Variants in PZP observed in about 807,000 individuals in gnomAD.
PZP encodes the protein PZP alpha-2-macroglobulin like, also known as pregnancy zone protein.
Under a neutral mutation model 179.8 loss-of-function variants are expected in PZP, and 150 were observed. That is an observed-to-expected ratio of 0.83 (90% CI 0.73 to 0.96). PZP has a LOEUF of 0.96. Ranked by LOEUF, PZP falls within the 40% of genes least tolerant of loss-of-function variation. PZP has a pLI of 0.00. For missense variants in PZP, 1,689 were observed against 1,764.0 expected (o/e 0.96, Z 0.76); for synonymous variants, 624 against 652.3 (o/e 0.96, Z 0.66).
intron 13 of PZP, among the ~76,000 whole-genome samples, chr12:9,186,234 C>T (rs778309320): frequency 6.6e-6 from 1 of 152,234 alleles, no homozygotes; most frequent in Non-Finnish European, 1.5e-5. Flanking sequence ...CCACCAGATC[C>T]AACTTGCAAG....
At chr12:9,161,302 GCAA>G (rs1365151102) in intron 22 of PZP, among the ~76,000 whole-genome samples, 186 bp from the exon 23 acceptor site, 5 of 152,318 alleles carry the variant, frequency 3.3e-5, no homozygotes, top group East Asian at 1.9e-4. Flanking sequence ...AACAGTATCT[GCAA>G]CATATTCAAT....
Position 9,196,564 on chromosome 12 carries a change from C to T in PZP, c.982+7G>A. The T allele has an allele frequency of 3.1e-6, 5 of 1,593,466 alleles. No homozygotes were observed. In the South Asian group the frequency reaches 5.5e-5, roughly 18 times the overall value. ...TTTTATTTCCCATATTCGTTCATTA[C>T]TCACACCTGTCCCCTCTTCTCTGAT... is the stretch of plus-strand genomic sequence containing the variant. On this transcript the variant is annotated splice_region_variant and intron_variant, in intron 9 of 35. Transcript: ENST00000261336.
intron 22 of PZP, chr12:9,162,378 C>T: frequency 2.0e-6 from 1 of 498,730 alleles, no homozygotes; most frequent in Admixed American, 3.9e-5. Flanking sequence ...CAAGAAAGCC[C>T]AGGTATTAGT....
Position 9,192,658 on chromosome 12 carries a change from G to T in PZP, c.1336C>A (p.Arg446Ser), listed in dbSNP as rs767886293. 2.5e-6 allele frequency: 4 copies of T among 1,613,936 alleles called. No individual in the cohort carries two copies. Among genetic ancestry groups the T allele is most frequent in the South Asian group, 2.2e-5 (2 of 91,078 alleles). Residue 446 changes from arginine (R) to serine (S), a missense_variant, in exon 12 of 36, where the codon CGT becomes AGT. Arg to Ser is a moderately radical substitution (Grantham distance 110). Transcript: ENST00000261336. Reference protein sequence around the residue: ...DHQGAQHTANRVFSLSGSYIH... With the variant: ...DHQGAQHTANSVFSLSGSYIH... Reference sequence around the variant, plus strand: ...TAACTTCCACTTAAGGAGAAAACACGATTTGCAGTGTGCTGAGCACCCTGG... The same window carrying T: ...TAACTTCCACTTAAGGAGAAAACACTATTTGCAGTGTGCTGAGCACCCTGG...
intron 10 of PZP, among the ~76,000 whole-genome samples, chr12:9,194,830 A>G (rs1943676667): frequency 6.6e-6 from 1 of 152,124 alleles, no homozygotes; most frequent in Non-Finnish European, 1.5e-5. Context: ...AGAATAAAAG[A>G]AATGAATTTA....
At chr12:9,150,788 C>T (rs750258601) in intron 33 of PZP, 42 bp from the exon 34 acceptor site, 4 of 1,244,184 alleles carry the variant, frequency 3.2e-6, no homozygotes, top group Admixed American at 1.8e-5. Context: ...TAGAAAACCT[C>T]CTTCTTTCTC....
chr12:9,176,676 G>A (rs1271962578), intron 15 of PZP, among the ~76,000 whole-genome samples: 1 of 152,212 alleles, frequency 6.6e-6, no homozygotes. Context: ...ATGTAAGATT[G>A]AGTCTTAATC....
At chr12:9,159,253 AT>A (rs1444644028) in intron 25 of PZP, among the ~76,000 whole-genome samples, 1 of 152,186 alleles carries the variant, frequency 6.6e-6, no homozygotes, top group Non-Finnish European at 1.5e-5. Context: ...GGTATATTGG[AT>A]TAAAAAAATC....
chr12:9,199,518 A>G (rs1393382090), intron 7 of PZP, among the ~76,000 whole-genome samples: 1 of 152,202 alleles, frequency 6.6e-6, no homozygotes, highest in Non-Finnish European at 1.5e-5. Context: ...AATGTAAAAC[A>G]TTCAATGTAT....
rs746654060 is a variant in PZP, at chr12:9,157,336, G to T, written c.3389C>A (p.Ala1130Asp). The T allele has an allele frequency of 6.2e-7, 1 of 1,613,702 alleles. No homozygotes were observed. Among genetic ancestry groups the T allele is most frequent in the East Asian group, 2.2e-5 (1 of 44,876 alleles). Reference sequence around the variant, plus strand: ...CCAGGCTGACTCCAGGCAGAACAGGGCATTGCGAACAATAGGGTTCTGTAA... The same window carrying T: ...CCAGGCTGACTCCAGGCAGAACAGGTCATTGCGAACAATAGGGTTCTGTAA... ...LPVTNPIVRN[A>D]LFCLESAWNV... The change falls in exon 28 of 36, where the codon GCC (alanine) becomes GAC (aspartate). Residue 1130 changes from alanine (A) to aspartate (D), a missense_variant. Physicochemically the swap from Ala to Asp is moderately radical, Grantham distance 126. Around this residue, in one of 3 missense-constraint regions of PZP, gnomAD observed 746 missense variants for 749.2 expected, o/e 1.00. Transcript: ENST00000261336.
At chr12:9,184,937 C>T (rs1382019476) in intron 13 of PZP, among the ~76,000 whole-genome samples, 1 of 152,192 alleles carries the variant, frequency 6.6e-6, no homozygotes, top group African/African-American at 2.4e-5. Flanking sequence ...AAAACAACAG[C>T]AGTTTCTAAG....
chr12:9,203,598 C>G (rs2121236318), intron 2 of PZP, among the ~76,000 whole-genome samples, 170 bp downstream of exon 2: 1 of 152,212 alleles, frequency 6.6e-6, no homozygotes, highest in South Asian at 2.1e-4. Flanking sequence ...GCCTTGGCTT[C>G]CCAAAGTGCT....
intron 18 of PZP, 43 bp from the exon 19 acceptor site, chr12:9,165,410 G>A: frequency 6.2e-7 from 1 of 1,605,110 alleles, no homozygotes; most frequent in Non-Finnish European, 8.5e-7. Flanking sequence ...ATGAATGTAA[G>A]CCACCTTTTC....
chr12:9,167,621 G>T lies in PZP; in HGVS notation c.2107+1248C>A, dbSNP rs181193367. 3.9e-5 allele frequency: 6 copies of T among 152,220 alleles called. No homozygotes were observed. In the East Asian group the frequency reaches 1.2e-3, roughly 29 times the overall value. The allele number at this position is 152,220 out of a possible 1,614,324, so 9.4% of individuals were successfully genotyped here. On this transcript the variant is annotated intron_variant, in intron 17 of 35. Transcript: ENST00000261336. ...TTCATGTTGTTGAAGTTCTTATCAAGAAATTTCACAAGATATTTCAGTTTT... is the reference window on the plus strand; with the variant it reads ...TTCATGTTGTTGAAGTTCTTATCAATAAATTTCACAAGATATTTCAGTTTT...
At chr12:9,176,199 A>T (rs1162007038) in intron 15 of PZP, among the ~76,000 whole-genome samples, 1 of 152,226 alleles carries the variant, frequency 6.6e-6, no homozygotes, top group Non-Finnish European at 1.5e-5. Flanking sequence ...CAGCAAGCTA[A>T]CACAGGAACA....
chr12:9,183,016 C>T (rs1592518220), intron 13 of PZP, among the ~76,000 whole-genome samples: 1 of 152,254 alleles, frequency 6.6e-6, no homozygotes, highest in Non-Finnish European at 1.5e-5. Context: ...TTAGACAATA[C>T]ATAGGATAAC....
At chr12:9,167,725 T>C (rs1333360900) in intron 17 of PZP, among the ~76,000 whole-genome samples, 2 of 152,208 alleles carry the variant, frequency 1.3e-5, no homozygotes, top group Non-Finnish European at 2.9e-5. Context: ...TCATCACACA[T>C]TTTAGAAGCT....
intron 17 of PZP, 49 bp from the exon 18 acceptor site, chr12:9,166,251 C>A: frequency 6.3e-7 from 1 of 1,579,334 alleles, no homozygotes; most frequent in African/African-American, 1.4e-5. Flanking sequence ...TCATTAATTT[C>A]ATGGTGCACA....
chr12:9,177,145 A>AG (rs1454557064), intron 15 of PZP, among the ~76,000 whole-genome samples: 25 of 152,346 alleles, frequency 1.6e-4, no homozygotes, highest in African/African-American at 6.0e-4. Context: ...TGACCTCTGT[A>AG]GCCAATGGGA....
Sources: allele counts gnomAD v4.1 joint callset (sites outside exome capture counted in the v4.1 genomes callset), GRCh38; gene constraint gnomAD v4.1.1; regional missense constraint gnomAD v4.1.1; transcripts MANE v1.5; gene names NCBI Gene and HGNC (gene_info 2026-07-23, HGNC 2026-07-21).